RYR2: variants seen among roughly 807,000 people sequenced by gnomAD.
RYR2 encodes ryanodine receptor 2.
A neutral mutation model predicts 601.1 loss-of-function variants in RYR2; 227 were observed. That is an observed-to-expected ratio of 0.38 (90% CI 0.34 to 0.42). The LOEUF (loss-of-function observed/expected upper bound fraction) is 0.42, where lower values mean the gene tolerates loss of function less well. RYR2 is among the 10% of genes least tolerant of loss of function. RYR2 has a pLI of 1.00. For synonymous variants in RYR2, 2,223 were observed against 2,175.1 expected (o/e 1.02, Z -0.61); for missense variants, 4,646 against 6,156.5 (o/e 0.75, Z 8.21).
rs116126190 is a variant in RYR2, at chr1:237,228,210, G to A, written c.49-42287G>A. On this transcript the variant is annotated intron_variant, in intron 1 of 104. Coordinates refer to ENST00000366574, the MANE Select transcript of RYR2 (RefSeq NM_001035.3). ...CTCATAGCTTAGCTCCCACTTGTGGGTGAGAACATACGATGTTTGCTTTTT... is the reference window on the plus strand; with the variant it reads ...CTCATAGCTTAGCTCCCACTTGTGGATGAGAACATACGATGTTTGCTTTTT... Among the ~76,000 whole-genome samples, 1,134 of 152,236 alleles carry A rather than the reference G, an allele frequency of 7.4e-3. 12 individuals are homozygous for A. Among genetic ancestry groups the A allele is most frequent in the African/African-American group, 0.026 (1,089 of 41,522 alleles).
chr1:237,291,176 A>G (rs1459459970), intron 2 of RYR2, among the ~76,000 whole-genome samples: 1 of 152,178 alleles, frequency 6.6e-6, no homozygotes, highest in East Asian at 1.9e-4. Flanking sequence ...TGGGCTCATG[A>G]AAACATGCAC....
chr1:237,122,863 T>TCAC, intron 1 of RYR2, among the ~76,000 whole-genome samples: 1 of 127,756 alleles, frequency 7.8e-6, no homozygotes, highest in Admixed American at 8.1e-5. Context: ...AATAATTTCC[T>TCAC]TGAAGGTTAA....
chr1:237,696,616 G>A (rs1032539919), intron 63 of RYR2, among the ~76,000 whole-genome samples: 2 of 146,776 alleles, frequency 1.4e-5, no homozygotes, highest in African/African-American at 2.5e-5. Flanking sequence ...CACTTAATAT[G>A]TGCAAAGCAA....
intron 94 of RYR2, among the ~76,000 whole-genome samples, chr1:237,793,108 C>A (rs927466531): frequency 6.6e-6 from 1 of 152,220 alleles, no homozygotes; most frequent in Non-Finnish European, 1.5e-5. Context: ...GCCTTTATTT[C>A]ACTTTCACTG....
rs939109036 is a variant in RYR2, at chr1:237,705,322, A to G, written c.9559A>G (p.Lys3187Glu). The change falls in exon 67 of 105, where the codon AAG becomes GAG. Residue 3187 changes from lysine to glutamate, a missense_variant. Lys to Glu is a moderately conservative substitution (Grantham distance 56). Around this residue, in one of 17 missense-constraint regions of RYR2, gnomAD observed 1,497 missense variants for 1,842.6 expected, o/e 0.81. Coordinates refer to ENST00000366574, the MANE Select transcript of RYR2 (RefSeq NM_001035.3). The part of the protein sequence containing the change: ...KHNIYSIYNT[K>E]SSRERAALSL... ...TAATATTTACTCCATCTACAATACC[A>G]AGTCTTCACGAGAAAGAGCAGGTAA... 6.2e-7 allele frequency: 1 copy of G among 1,605,408 alleles called. No individual in the cohort carries two copies. The highest frequency in any genetic ancestry group is 1.7e-5 in the Admixed American group (1 of 58,900).
At chr1:237,104,868 G>A (rs1668494094) in intron 1 of RYR2, among the ~76,000 whole-genome samples, 1 of 152,200 alleles carries the variant, frequency 6.6e-6, no homozygotes, top group Non-Finnish European at 1.5e-5. Flanking sequence ...ATCGTGCAGT[G>A]GAGATTCAAG....
intron 1 of RYR2, among the ~76,000 whole-genome samples, chr1:237,115,385 G>C (rs369408689): frequency 2.6e-5 from 4 of 152,316 alleles, no homozygotes; most frequent in Middle Eastern, 3.4e-3. Flanking sequence ...AAGGACTGCA[G>C]AGAGCAGCCC....
chr1:237,055,886 A>T (rs1558153038), intron 1 of RYR2, among the ~76,000 whole-genome samples: 1 of 152,176 alleles, frequency 6.6e-6, no homozygotes, highest in Non-Finnish European at 1.5e-5. Context: ...AGGTCCACAC[A>T]GAGGGAAGAT....
chr1:237,455,290 G>T (rs1457300306), intron 15 of RYR2, among the ~76,000 whole-genome samples: 2 of 152,010 alleles, frequency 1.3e-5, no homozygotes, highest in Non-Finnish European at 2.9e-5. Context: ...TCTTTTCAAT[G>T]CATCTTGTAT....
intron 97 of RYR2, among the ~76,000 whole-genome samples, chr1:237,801,039 G>A (rs1381355989): frequency 7.7e-6 from 1 of 130,702 alleles, no homozygotes; most frequent in East Asian, 3.3e-4. Context: ...TTCTGGAAAT[G>A]AAGTAAAAAC....
intron 16 of RYR2, 92 bp from the exon 17 acceptor site, chr1:237,469,000 C>T: frequency 1.0e-6 from 1 of 983,760 alleles, no homozygotes; most frequent in Middle Eastern, 2.1e-4. Context: ...ATATTTTGTT[C>T]TTGATCCAAT....
In RYR2 at chr1:237,702,079, A is replaced by G; in HGVS notation, c.9449+20A>G. On this transcript the variant is annotated intron_variant, in intron 66 of 104. Transcript: ENST00000366574. Reference sequence around the variant, plus strand: ...GGAGAGGTAAGAATGTTTAAAGTTTAACTTTGTATTAATTGCTGCTTCAAG... The same window carrying G: ...GGAGAGGTAAGAATGTTTAAAGTTTGACTTTGTATTAATTGCTGCTTCAAG... 7.3e-7 allele frequency: 1 copy of G among 1,363,748 alleles called. No homozygotes were observed. The highest frequency in any genetic ancestry group is 1.2e-5 in the South Asian group (1 of 84,232). The allele number at this position is 1,363,748 out of a possible 1,614,324, so 84.5% of individuals were successfully genotyped here. A position where few individuals can be genotyped will look rare whatever the true frequency, so the allele number is the denominator to read the frequency against.
intron 1 of RYR2, among the ~76,000 whole-genome samples, chr1:237,231,149 G>T (rs902825804): frequency 6.6e-6 from 1 of 152,070 alleles, no homozygotes; most frequent in African/African-American, 2.4e-5. Flanking sequence ...TCATTTTCGT[G>T]TGTCTGTTTT....
chr1:237,479,758 C>T (rs1470189455), intron 17 of RYR2, among the ~76,000 whole-genome samples: 1 of 152,146 alleles, frequency 6.6e-6, no homozygotes, highest in Middle Eastern at 3.2e-3. Flanking sequence ...AATTGTGCAA[C>T]GAAGGAAATC....
intron 2 of RYR2, among the ~76,000 whole-genome samples, chr1:237,325,398 A>G (rs1020679610): frequency 6.6e-6 from 1 of 152,228 alleles, no homozygotes; most frequent in African/African-American, 2.4e-5. Context: ...ATGCATAGAA[A>G]AAGGACTGCA....
intron 102 of RYR2, among the ~76,000 whole-genome samples, chr1:237,829,688 T>C (rs1663560031): frequency 6.6e-6 from 1 of 152,214 alleles, no homozygotes; most frequent in Non-Finnish European, 1.5e-5. Flanking sequence ...AAGAATTTTA[T>C]ACACTATTAT....
intron 1 of RYR2, among the ~76,000 whole-genome samples, chr1:237,060,996 A>G (rs1662763377): frequency 6.6e-6 from 1 of 152,214 alleles, no homozygotes; most frequent in Non-Finnish European, 1.5e-5. Flanking sequence ...CTCAGTTAAC[A>G]TTTCCACTAG....
In RYR2 at chr1:237,565,179, CTTTCTTT is replaced by C. The variant is rs60176870; in HGVS notation, c.3215-1387_3215-1381del. Among the ~76,000 whole-genome samples the C allele has an allele frequency of 6.1e-3, 736 of 120,294 alleles. 16 individuals carry two copies. The highest frequency in any genetic ancestry group is 0.033 in the East Asian group (136 of 4,072). The allele number at this position is 120,294 out of a possible 152,430, so 78.9% of individuals were successfully genotyped here. On this transcript the variant is annotated intron_variant, in intron 27 of 104. Coordinates refer to ENST00000366574, the MANE Select transcript of RYR2 (RefSeq NM_001035.3). ...TTTCTCTTTCTTTCTTTCTTTCTTTCTTTCTTTCTTTCTTTCTTTCTTTCTTTCTTTC... is the reference window on the plus strand; with the variant it reads ...TTTCTCTTTCTTTCTTTCTTTCTTTCCTTTCTTTCTTTCTTTCTTTCTTTC...
At chr1:237,522,621 T>C (rs1211246066) in intron 24 of RYR2, among the ~76,000 whole-genome samples, 1 of 152,230 alleles carries the variant, frequency 6.6e-6, no homozygotes, top group East Asian at 1.9e-4. Context: ...TGATTTTTGT[T>C]ACCATTTTTC....
Sources: gnomAD v4.1 joint callset for allele counts (sites outside exome capture counted in the v4.1 genomes callset) on GRCh38, gnomAD v4.1.1 for gene constraint, gnomAD v4.1.1 regional missense constraint, MANE v1.5 for transcripts, NCBI Gene and HGNC (gene_info 2026-07-23, HGNC 2026-07-21) for gene names.